Variants in ZNF215 observed in about 807,000 individuals in gnomAD.
ZNF215 encodes the protein BWSCR2-associated zinc finger protein 2.
ZNF215 carries 24 observed loss-of-function variants against 27.2 expected under a neutral mutation model. The ratio of observed to expected loss-of-function variants is 0.88; its 90% CI spans 0.64 to 1.24. The LOEUF (loss-of-function observed/expected upper bound fraction) is 1.24, where lower values mean the gene tolerates loss of function less well. ZNF215 is among the 50% of genes most tolerant of loss of function. The pLI, the probability that ZNF215 is intolerant of heterozygous loss-of-function variation, is 0.00. For missense variants in ZNF215, 675 were observed against 605.7 expected (o/e 1.11, Z -1.20); for synonymous variants, 210 against 204.0 (o/e 1.03, Z -0.25).
chr11:6,968,536 T>G lies in ZNF215; in HGVS notation c.805+12754T>G, dbSNP rs560969604. ...CACATATATGGAGCCTTTTTTTTTT[T>G]TTTGAACAGGCACTCTGGTATGTAA... On this transcript the variant is annotated intron_variant, in intron 5 of 5. Coordinates refer to the ZNF215 transcript ENST00000529903. Among the ~76,000 whole-genome samples, 335 of 152,012 alleles carry G rather than the reference T, an allele frequency of 2.2e-3. 2 individuals carry two copies. Among genetic ancestry groups the G allele is most frequent in the African/African-American group, 7.7e-3 (318 of 41,446 alleles).
At chr11:6,954,297 G>A (rs1048900506) in intron 6 of ZNF215, among the ~76,000 whole-genome samples, 12 of 152,232 alleles carry the variant, frequency 7.9e-5, no homozygotes, top group African/African-American at 2.9e-4. Context: ...AGTCTGCAGA[G>A]GTTACTGCTG....
At chr11:6,966,388 A>G (rs1170601384) in intron 5 of ZNF215, among the ~76,000 whole-genome samples, 1 of 152,128 alleles carries the variant, frequency 6.6e-6, no homozygotes, top group Non-Finnish European at 1.5e-5. Flanking sequence ...TATGCTTATT[A>G]TCTGGGTGAT....
chr11:6,933,648 G>A (rs1415354830), intron 3 of ZNF215, among the ~76,000 whole-genome samples: 3 of 151,900 alleles, frequency 2.0e-5, no homozygotes, highest in African/African-American at 2.4e-5. Flanking sequence ...AAAATTAGCC[G>A]GGCATGGTGG....
At chr11:6,971,997 G>A (rs937458099) in intron 5 of ZNF215, among the ~76,000 whole-genome samples, 9 of 152,078 alleles carry the variant, frequency 5.9e-5, no homozygotes, top group African/African-American at 2.2e-4. Context: ...TTTTTGCCAA[G>A]TCTATTTACT....
At chr11:6,941,968 T>C (rs914008047) in intron 4 of ZNF215, among the ~76,000 whole-genome samples, 4 of 151,954 alleles carry the variant, frequency 2.6e-5, no homozygotes, top group African/African-American at 9.7e-5. Flanking sequence ...TAGGCAAGAG[T>C]AGAAGAAACC....
downstream of ZNF215, among the ~76,000 whole-genome samples, chr11:6,986,878 G>T (rs1851062844): frequency 6.6e-6 from 1 of 152,132 alleles, no homozygotes; most frequent in East Asian, 1.9e-4. Flanking sequence ...TGTTGGTGAG[G>T]CAGCATCTGT....
intron 6 of ZNF215, among the ~76,000 whole-genome samples, chr11:6,953,407 C>G (rs1297110796): frequency 1.3e-5 from 2 of 152,202 alleles, no homozygotes; most frequent in African/African-American, 2.4e-5. Context: ...CACATAGTCC[C>G]ATATTTCTTG....
downstream of ZNF215, among the ~76,000 whole-genome samples, chr11:6,993,018 C>G (rs1182241790): frequency 1.3e-5 from 2 of 152,126 alleles, no homozygotes; most frequent in African/African-American, 4.8e-5. Context: ...TATACTTTTA[C>G]GATATAGTCA....
chr11:6,954,749 C>T lies in ZNF215; in HGVS notation c.713-941C>T, dbSNP rs900966349. Among the ~76,000 whole-genome samples, 14 of 152,204 alleles carry T rather than the reference C, an allele frequency of 9.2e-5. No homozygotes were observed. In the East Asian group the frequency reaches 1.9e-3, roughly 21 times the overall value. The stretch of plus-strand genomic sequence containing the variant: ...AGGGTGCACTGCACCCACTGTCCTG[C>T]GCCCACTGTCTGGCACTCCCTAGTG... On this transcript the variant is annotated intron_variant, in intron 6 of 6. Coordinates refer to ENST00000278319, the MANE Select transcript of ZNF215 (RefSeq NM_013250.4).
chr11:6,981,974 G>A (rs1452032357), intron 5 of ZNF215, among the ~76,000 whole-genome samples: 1 of 152,128 alleles, frequency 6.6e-6, no homozygotes, highest in African/African-American at 2.4e-5. Flanking sequence ...CGATATCTCT[G>A]GTTTGGTACC....
rs1850389634 is a variant in ZNF215 at position 6,957,096 on chromosome 11, G to A, written c.*565G>A. 1 of 985,508 alleles carries A rather than the reference G, an allele frequency of 1.0e-6. No homozygotes were observed. Among genetic ancestry groups the A allele is most frequent in the African/African-American group, 1.7e-5 (1 of 57,248 alleles). The allele number at this position is 985,508 out of a possible 1,614,324, so 61.0% of individuals were successfully genotyped here. A position where few individuals can be genotyped will look rare whatever the true frequency, so the allele number is the denominator to read the frequency against. On this transcript the variant is annotated 3_prime_UTR_variant, in exon 7 of 7. Transcript: ENST00000278319. ...TTGCTGTTGAATGGAGACTAGAGTT[G>A]GGAAAGGGTTATCAACTGCAATGGG...
intron 3 of ZNF215, among the ~76,000 whole-genome samples, chr11:6,934,417 C>T (rs921878185): frequency 4.6e-5 from 7 of 152,260 alleles, no homozygotes; most frequent in Non-Finnish European, 5.9e-5. Flanking sequence ...TAAATTACCA[C>T]AAACTTGGTG....
chr11:6,936,699 T>A (rs1337906553), intron 3 of ZNF215, among the ~76,000 whole-genome samples: 1 of 151,874 alleles, frequency 6.6e-6, no homozygotes, highest in Non-Finnish European at 1.5e-5. Flanking sequence ...GCAAACCAAA[T>A]CCAATAGCGT....
intron 2 of ZNF215, among the ~76,000 whole-genome samples, chr11:6,928,335 TA>T (rs1259279833): frequency 2.0e-5 from 3 of 152,214 alleles, no homozygotes; most frequent in African/African-American, 4.8e-5. Flanking sequence ...GAAAGTTACC[TA>T]ATATCCCATT....
chr11:6,934,441 T>A (rs529370953), intron 3 of ZNF215, among the ~76,000 whole-genome samples: 6 of 152,312 alleles, frequency 3.9e-5, no homozygotes, highest in Non-Finnish European at 7.3e-5. Context: ...TAAAACAACA[T>A]GAATATATTA....
intron 3 of ZNF215, among the ~76,000 whole-genome samples, chr11:6,933,227 A>C (rs1280613516): frequency 1.3e-5 from 2 of 152,244 alleles, no homozygotes; most frequent in African/African-American, 4.8e-5. Flanking sequence ...GTTTGAACCT[A>C]GAGGAATTAT....
In ZNF215 at chr11:6,932,567, A is replaced by T. The variant is rs745848922; in HGVS notation, c.295A>T (p.Ile99Phe). 1.5e-5 allele frequency: 25 copies of T among 1,614,088 alleles called. No homozygotes were observed. The East Asian group carries it at 4.9e-4, about 32-fold the overall frequency. ...GTTGGTGCTGGAACAATTCCTGGCA[A>T]TCCTGCCTGAAGAAGTCAGGACTTG... is the stretch of plus-strand genomic sequence containing the variant. ...ELLVLEQFLA[I>F]LPEEVRTWVN... The change falls in exon 3 of 7, where the codon ATC becomes TTC. Residue 99 changes from isoleucine (I) to phenylalanine (F), a missense_variant. Physicochemically the swap from Ile to Phe is conservative, Grantham distance 21. Coordinates refer to ENST00000278319, the MANE Select transcript of ZNF215 (RefSeq NM_013250.4).
Position 6,956,950 on chromosome 11 carries a change from C to G in ZNF215, c.*419C>G. 1 of 991,066 alleles carries G rather than the reference C, an allele frequency of 1.0e-6. No homozygotes were observed. The highest frequency in any genetic ancestry group is 1.2e-6 in the Non-Finnish European group (1 of 833,270). 61.4% of individuals were successfully genotyped at this position (991,066 alleles called of 1,614,324 possible). ...AAACTCAGCCCTTTTAAGAAGGTCA[C>G]AAGAAATCATTAGCTCATGCGAATA... is the stretch of plus-strand genomic sequence containing the variant. On this transcript the variant is annotated 3_prime_UTR_variant, in exon 7 of 7. Transcript: ENST00000278319.
intron 6 of ZNF215, among the ~76,000 whole-genome samples, chr11:6,954,570 T>C (rs1203435765): frequency 6.6e-6 from 1 of 152,230 alleles, no homozygotes; most frequent in Non-Finnish European, 1.5e-5. Context: ...GGTGCGCCAT[T>C]TTTTAAGCCT....
Sources: allele counts gnomAD v4.1 joint callset (sites outside exome capture counted in the v4.1 genomes callset), GRCh38; gene constraint gnomAD v4.1.1; transcripts MANE v1.5; gene names NCBI Gene and HGNC (gene_info 2026-07-23, HGNC 2026-07-21).